ARB2A: variants seen among roughly 807,000 people sequenced by gnomAD.
The protein encoded by ARB2A is ARB2 cotranscriptional regulator A.
At chr5:94,014,558 G>T in the ARB2A span, among the ~76,000 whole-genome samples, 2 of 152,102 alleles carry the variant, frequency 1.3e-5, no homozygotes, top group Non-Finnish European at 2.9e-5. Flanking sequence ...AGGAACTAGT[G>T]TCTGACCCTA....
the ARB2A span, among the ~76,000 whole-genome samples, chr5:93,820,289 C>A: frequency 5.9e-5 from 9 of 152,050 alleles, no homozygotes; most frequent in South Asian, 1.7e-3. Context: ...ATTGATAAAC[C>A]CTGTTAATTT....
At chr5:94,095,959 T>A in the ARB2A span, among the ~76,000 whole-genome samples, 3 of 152,174 alleles carry the variant, frequency 2.0e-5, no homozygotes, top group Admixed American at 6.5e-5. Flanking sequence ...CAATCCCTAC[T>A]GAAAGAAATC....
the ARB2A span, among the ~76,000 whole-genome samples, chr5:93,984,508 T>C: frequency 2.6e-5 from 4 of 152,196 alleles, no homozygotes; most frequent in Non-Finnish European, 5.9e-5. Flanking sequence ...CTGAAGTAAA[T>C]GCCATACTTT....
At chr5:94,046,676 CTGTT>C in the ARB2A span, among the ~76,000 whole-genome samples, 4 of 152,304 alleles carry the variant, frequency 2.6e-5, no homozygotes, top group East Asian at 7.7e-4. Flanking sequence ...TAAAGGCAGA[CTGTT>C]TGTGCCTCTT....
At chr5:93,797,816 A>G in the ARB2A span, among the ~76,000 whole-genome samples, 1 of 152,148 alleles carries the variant, frequency 6.6e-6, no homozygotes, top group African/African-American at 2.4e-5. Context: ...GGAGAACAAG[A>G]GAGGTGTTTT....
chr5:93,934,499 G>C, the ARB2A span, among the ~76,000 whole-genome samples: 1 of 152,116 alleles, frequency 6.6e-6, no homozygotes, highest in African/African-American at 2.4e-5. Context: ...GTCCTCCCCA[G>C]TGTACATCCT....
chr5:93,721,678 C>T, the ARB2A span, among the ~76,000 whole-genome samples: 1 of 152,054 alleles, frequency 6.6e-6, no homozygotes, highest in African/African-American at 2.4e-5. Context: ...AGTAATCTTG[C>T]TGCAGGAAGT....
At chr5:94,072,350 A>T in the ARB2A span, among the ~76,000 whole-genome samples, 2 of 152,004 alleles carry the variant, frequency 1.3e-5, no homozygotes, top group South Asian at 4.2e-4. Flanking sequence ...ACAGAACTCC[A>T]AACACACTCA....
At chr5:93,732,916 A>C in the ARB2A span, among the ~76,000 whole-genome samples, 1 of 151,764 alleles carries the variant, frequency 6.6e-6, no homozygotes, top group African/African-American at 2.4e-5. Flanking sequence ...CAATACCTGT[A>C]CATACATTTA....
chr5:93,871,684 T>C, the ARB2A span, among the ~76,000 whole-genome samples: 1 of 152,208 alleles, frequency 6.6e-6, no homozygotes, highest in Non-Finnish European at 1.5e-5. Context: ...GTGTCTTTCA[T>C]TTTAAAAATA....
At chr5:93,854,753 T>C in the ARB2A span, among the ~76,000 whole-genome samples, 3 of 152,264 alleles carry the variant, frequency 2.0e-5, no homozygotes, top group African/African-American at 7.2e-5. Flanking sequence ...TCAGTTTCCA[T>C]GTAGTTGAGC....
chr5:93,656,207 T>C, the ARB2A span, among the ~76,000 whole-genome samples: 1 of 152,190 alleles, frequency 6.6e-6, no homozygotes, highest in Non-Finnish European at 1.5e-5. Context: ...TAACTTCAAA[T>C]GTTATATTTT....
chr5:93,747,741 A>G, the ARB2A span, among the ~76,000 whole-genome samples: 3 of 152,192 alleles, frequency 2.0e-5, no homozygotes, highest in African/African-American at 4.8e-5. Flanking sequence ...TCATCATTCT[A>G]TGTGTGTGCA....
the ARB2A span, among the ~76,000 whole-genome samples, chr5:94,056,736 T>C: frequency 6.6e-6 from 1 of 152,156 alleles, no homozygotes. Flanking sequence ...TTAATGTTCA[T>C]AGGAGCATTA....
At chr5:93,940,285 T>G in the ARB2A span, among the ~76,000 whole-genome samples, 1 of 152,050 alleles carries the variant, frequency 6.6e-6, no homozygotes, top group African/African-American at 2.4e-5. Flanking sequence ...TCCACCTAAT[T>G]CTTACACTTC....
At chr5:93,979,099 A>G in the ARB2A span, among the ~76,000 whole-genome samples, 8 of 152,156 alleles carry the variant, frequency 5.3e-5, no homozygotes, top group African/African-American at 1.4e-4. Flanking sequence ...TGCATATAAC[A>G]AAGTATCACA....
the ARB2A span, among the ~76,000 whole-genome samples, chr5:93,790,679 T>C: frequency 6.6e-6 from 1 of 152,198 alleles, no homozygotes; most frequent in African/African-American, 2.4e-5. Flanking sequence ...CACGAAGCCA[T>C]GGCTCAGCAG....
At chr5:93,635,222 G>A in the ARB2A span, among the ~76,000 whole-genome samples, 1 of 152,164 alleles carries the variant, frequency 6.6e-6, no homozygotes, top group Non-Finnish European at 1.5e-5. Flanking sequence ...AAGGAGCTTT[G>A]TAGGGCCCCA....
chr5:93,648,994 T>C, the ARB2A span, among the ~76,000 whole-genome samples: 1 of 152,210 alleles, frequency 6.6e-6, no homozygotes. Context: ...GAAAGGACTT[T>C]ACTGTTCTAC....
Sources: allele counts gnomAD v4.1 joint callset (sites outside exome capture counted in the v4.1 genomes callset), GRCh38; gene constraint gnomAD v4.1.1; transcripts MANE v1.5; gene names NCBI Gene and HGNC (gene_info 2026-07-23, HGNC 2026-07-21).